Variants in COG5 observed in about 807,000 individuals in gnomAD.
The protein encoded by COG5 is component of oligomeric golgi complex 5.
A neutral mutation model predicts 110.4 loss-of-function variants in COG5; 86 were observed. The ratio of observed to expected loss-of-function variants is 0.78; its 90% CI spans 0.65 to 0.93. The LOEUF (loss-of-function observed/expected upper bound fraction) is 0.93. Among genes scored for constraint, COG5 ranks in the 40% least tolerant of loss-of-function variants. The pLI, the probability that COG5 is intolerant of heterozygous loss-of-function variation, is 0.00. For missense variants in COG5, 1,077 were observed against 987.0 expected (o/e 1.09, Z -1.22); for synonymous variants, 360 against 334.6 (o/e 1.08, Z -0.83).
chr7:107,264,233 G>C (rs1379504935), intron 14 of COG5, among the ~76,000 whole-genome samples: 2 of 151,896 alleles, frequency 1.3e-5, no homozygotes, highest in East Asian at 3.9e-4. Context: ...TCTAAGACTT[G>C]ACCCAGGGCA....
At chr7:107,410,524 C>A (rs1792202472) in intron 7 of COG5, among the ~76,000 whole-genome samples, 2 of 152,070 alleles carry the variant, frequency 1.3e-5, no homozygotes, top group Non-Finnish European at 2.9e-5. Flanking sequence ...CTCACCGCAA[C>A]CTCCGGCTCC....
At chr7:107,491,040 A>G (rs2237670) in intron 6 of COG5, among the ~76,000 whole-genome samples, 42,851 of 151,904 alleles carry the variant, frequency 0.28, 6,073 homozygotes, top group East Asian at 0.33. Context: ...TGCAGTTTTT[A>G]TTGTTGTTGC....
chr7:107,490,535 T>C (rs773379744), intron 6 of COG5, among the ~76,000 whole-genome samples: 1 of 152,142 alleles, frequency 6.6e-6, no homozygotes, highest in Non-Finnish European at 1.5e-5. Flanking sequence ...ATGCTCCAAG[T>C]GATCCAAGTG....
intron 11 of COG5, among the ~76,000 whole-genome samples, chr7:107,311,370 A>ATTTTTTTTTTTTTTTTTTTTT (rs71134260): frequency 1.7e-5 from 1 of 58,914 alleles, no homozygotes; most frequent in Non-Finnish European, 3.0e-5. Context: ...GCGTATTTAC[A>ATTTTTTTTTTTTTTTTTTTTT]TTTTTTTTTT....
chr7:107,375,464 T>C (rs990277199), intron 7 of COG5, among the ~76,000 whole-genome samples: 1 of 152,040 alleles, frequency 6.6e-6, no homozygotes, highest in African/African-American at 2.4e-5. Context: ...CAATTTACAC[T>C]CCCACCAGCG....
intron 14 of COG5, among the ~76,000 whole-genome samples, chr7:107,270,882 CTTTTTTTTTTTTTT>C (rs56971368): frequency 1.5e-5 from 1 of 68,726 alleles, no homozygotes; most frequent in Non-Finnish European, 2.6e-5. Flanking sequence ...CTAACTAGAA[CTTTTTTTTTTTTTT>C]TTTTTTTTTT....
intron 7 of COG5, among the ~76,000 whole-genome samples, chr7:107,407,080 T>A (rs1304116513): frequency 6.6e-6 from 1 of 152,168 alleles, no homozygotes; most frequent in Admixed American, 6.5e-5. Context: ...TGAGCAATCA[T>A]CCTTCAAAAG....
In COG5 at chr7:107,362,421, C is replaced by G; in HGVS notation, c.836-1G>C. 1 of 1,604,078 alleles carries G rather than the reference C, an allele frequency of 6.2e-7. No homozygotes were observed. The highest frequency in any genetic ancestry group is 8.5e-7 in the Non-Finnish European group (1 of 1,170,996). On this transcript the variant is annotated splice_acceptor_variant, in intron 8 of 21. Coordinates refer to ENST00000297135, the MANE Select transcript of COG5 (RefSeq NM_006348.5). LOFTEE classifies it high-confidence loss of function. ...GGCATGGTAGATCGTCCAGGTCCCC[C>G]TGGTTATGAGTGAGAAAGAACAATG...
At chr7:107,490,523 G>A (rs1220325564) in intron 6 of COG5, among the ~76,000 whole-genome samples, 2 of 152,084 alleles carry the variant, frequency 1.3e-5, no homozygotes, top group African/African-American at 4.8e-5. Context: ...AGATTATGAT[G>A]TATGCTCCAA....
intron 6 of COG5, among the ~76,000 whole-genome samples, chr7:107,419,525 T>C (rs1793122822): frequency 6.6e-6 from 1 of 151,230 alleles, no homozygotes; most frequent in African/African-American, 2.4e-5. Context: ...TCAAATGAAA[T>C]AGAGAAAGGC....
intron 6 of COG5, among the ~76,000 whole-genome samples, chr7:107,436,292 G>A (rs746808405): frequency 3.3e-5 from 5 of 152,306 alleles, no homozygotes; most frequent in African/African-American, 9.6e-5. Context: ...AAAATTTGAC[G>A]CATGCTATAC....
At chr7:107,229,692 T>C (rs758847772) in intron 19 of COG5, among the ~76,000 whole-genome samples, 10 of 152,202 alleles carry the variant, frequency 6.6e-5, no homozygotes, top group Non-Finnish European at 1.3e-4. Flanking sequence ...ATCATGAATA[T>C]GAATCAACTC....
chr7:107,548,342 CAT>C lies in COG5; in HGVS notation c.293-12_293-11del, dbSNP rs754563471. ...ATCATCTGAAGAACACCTAGGAAAA[CAT>C]AAGTTTACATTGGCTTTACAAATTT... On this transcript the variant is annotated splice_polypyrimidine_tract_variant and intron_variant, in intron 3 of 21. Coordinates refer to ENST00000297135, the MANE Select transcript of COG5 (RefSeq NM_006348.5). 27 of 1,613,206 alleles carry C rather than the reference CAT, an allele frequency of 1.7e-5. No individual in the cohort carries two copies. In the East Asian group the frequency reaches 5.8e-4, roughly 35 times the overall value.
chr7:107,469,689 T>C (rs1283177810), intron 6 of COG5, among the ~76,000 whole-genome samples: 3 of 152,126 alleles, frequency 2.0e-5, no homozygotes, highest in Non-Finnish European at 2.9e-5. Context: ...CAAAAACCTA[T>C]ATATGACTAA....
rs200304342 is a variant in COG5 at position 107,230,675 on chromosome 7, C to T, written c.2108G>A (p.Gly703Asp). 3 of 1,611,468 alleles carry T rather than the reference C, an allele frequency of 1.9e-6. No individual in the cohort carries two copies. Among genetic ancestry groups the T allele is most frequent in the Non-Finnish European group, 2.5e-6 (3 of 1,177,668 alleles). Residue 703 changes from glycine to aspartate, a missense_variant, in exon 19 of 22, where the codon GGT becomes GAT. Transcript: ENST00000297135. ...ADFAQMELAV[G>D]PFCRRVSDLG... The stretch of plus-strand genomic sequence containing the variant: ...ATCAGATACTCGTCTACAGAATGGA[C>T]CCACAGCCAACTCCATCTGAAATAT...
In COG5 at chr7:107,203,537, C is replaced by A; in HGVS notation, c.2469G>T (p.Lys823Asn). The change falls in exon 22 of 22, where the codon AAG (lysine) becomes AAT (asparagine). Residue 823 changes from lysine to asparagine, a missense_variant. Lys to Asn is a moderately conservative substitution (Grantham distance 94, BLOSUM62 0). Coordinates refer to ENST00000297135, the MANE Select transcript of COG5 (RefSeq NM_006348.5). ...GTCATTACTGAAGAGCAGACATAGCCTTTTGAAGCAGCTGAACCATTATGG... is the reference window on the plus strand; with the variant it reads ...GTCATTACTGAAGAGCAGACATAGCATTTTGAAGCAGCTGAACCATTATGG... The part of the protein sequence containing the change: ...VYPIMVQLLQ[K>N]AMSALQ 1 of 1,613,170 alleles carries A rather than the reference C, an allele frequency of 6.2e-7. No individual in the cohort carries two copies. The highest frequency in any genetic ancestry group is 8.5e-7 in the Non-Finnish European group (1 of 1,179,132).
At chr7:107,471,573 T>A (rs1379513121) in intron 6 of COG5, 2 of 151,894 alleles carry the variant, frequency 1.3e-5, no homozygotes, top group Non-Finnish European at 2.9e-5. Context: ...AGATGCTACA[T>A]AAAATAACCA....
rs368227066 is a variant in COG5 at position 107,390,068 on chromosome 7, G to A, written c.670-17308C>T. 1.1e-4 allele frequency among the ~76,000 whole-genome samples: 17 copies of A among 152,214 alleles called. No individual in the cohort carries two copies. The South Asian group carries it at 3.3e-3, about 30-fold the overall frequency. ...AATTACAATATATTACAATATATCT[G>A]TTCGAAATATTACTAGTGCCATGGT... On this transcript the variant is annotated intron_variant, in intron 7 of 21. Coordinates refer to ENST00000297135, the MANE Select transcript of COG5 (RefSeq NM_006348.5).
chr7:107,332,283 G>C (rs1172762893), intron 10 of COG5, among the ~76,000 whole-genome samples: 1 of 152,300 alleles, frequency 6.6e-6, no homozygotes, highest in East Asian at 1.9e-4. Context: ...ACAATGTTGA[G>C]GGTGGGCCAC....
Sources: allele counts gnomAD v4.1 joint callset (sites outside exome capture counted in the v4.1 genomes callset), GRCh38; gene constraint gnomAD v4.1.1; transcripts MANE v1.5; gene names NCBI Gene and HGNC (gene_info 2026-07-23, HGNC 2026-07-21).